The following MTPAP variants were observed in gnomAD, a reference collection of about 807,000 sequenced individuals.
MTPAP encodes mitochondrial poly(A) polymerase, also known as poly(A) RNA polymerase, mitochondrial.
Under a neutral mutation model 48.7 loss-of-function variants are expected in MTPAP, and 23 were observed. The ratio of observed to expected loss-of-function variants is 0.47; its 90% confidence interval spans 0.34 to 0.67. The LOEUF is 0.67. Ranked by LOEUF, MTPAP falls within the 30% of genes least tolerant of loss-of-function variation. MTPAP has a pLI of 0.01. For synonymous variants in MTPAP, 257 were observed against 254.1 expected, an observed-to-expected ratio of 1.01 and a Z score of -0.11; for missense variants, 614 against 694.3, an observed-to-expected ratio of 0.88 and a Z score of 1.30.
intron 4 of MTPAP, among the ~76,000 whole-genome samples, chr10:30,336,536 T>C (rs910522531): frequency 6.6e-6 from 1 of 152,162 alleles, no homozygotes; most frequent in Non-Finnish European, 1.5e-5. Flanking sequence ...AATAGGTAAC[T>C]TTGACTTAAC....
Position 30,335,024 on chromosome 10 carries a change from T to G in MTPAP, c.780+1779A>C, listed in dbSNP as rs115435624. 1.7e-3 allele frequency among the ~76,000 whole-genome samples: 256 copies of G among 152,296 alleles called. 1 individual carries two copies. Among genetic ancestry groups the G allele is most frequent in the African/African-American group, 5.9e-3 (244 of 41,570 alleles). On this transcript the variant is annotated intron_variant, in intron 4 of 8. Coordinates refer to ENST00000263063, the MANE Select transcript of MTPAP (RefSeq NM_018109.4). The stretch of plus-strand genomic sequence containing the variant: ...GCCACTAATTAACATGTGAAACATA[T>G]AGAACTTTTGTAAGAACTTAGAAAG...
intron 6 of MTPAP, 86 bp from the exon 7 acceptor site, chr10:30,316,296 G>A (rs1840661546): frequency 9.6e-7 from 1 of 1,037,288 alleles, no homozygotes; most frequent in East Asian, 2.6e-5. Flanking sequence ...AGGCTGGAGT[G>A]TAGCGGCATG....
intron 1 of MTPAP, among the ~76,000 whole-genome samples, chr10:30,348,548 T>C (rs1588724722): frequency 6.6e-6 from 1 of 152,148 alleles, no homozygotes; most frequent in Non-Finnish European, 1.5e-5. Context: ...CATATAAATG[T>C]AGAACGAACG....
At chr10:30,315,515 C>CAAAAA in intron 8 of MTPAP, among the ~76,000 whole-genome samples, 1 of 139,810 alleles carries the variant, frequency 7.2e-6, no homozygotes, top group South Asian at 2.2e-4. Flanking sequence ...AAAAAAAAAA[C>CAAAAA]AAAACAAAAC....
Position 30,340,442 on chromosome 10 carries a change from A to G in MTPAP, c.339T>C (p.Tyr113=). ...NHFFYESFGL[Y]AVVEFCQKES... is the part of the protein sequence containing the mutation. The stretch of plus-strand genomic sequence containing the variant: ...CCTTTTGGCAAAATTCTACGACAGC[A>G]TAGAGACCCTATACCAAAAACATAA... Residue 113 remains tyrosine, a synonymous_variant, in exon 3 of 9, where the codon TAT becomes TAC. Coordinates refer to ENST00000263063, the MANE Select transcript of MTPAP (RefSeq NM_018109.4). 1 of 1,613,376 alleles carries G rather than the reference A, an allele frequency of 6.2e-7. No homozygotes were observed. Among genetic ancestry groups the G allele is most frequent in the Non-Finnish European group, 8.5e-7 (1 of 1,179,264 alleles).
chr10:30,325,701 G>A (rs1165157705), intron 5 of MTPAP, among the ~76,000 whole-genome samples: 3 of 152,048 alleles, frequency 2.0e-5, no homozygotes, highest in Admixed American at 6.5e-5. Context: ...AGCCGAGATC[G>A]TGCAGTGTGC....
intron 4 of MTPAP, among the ~76,000 whole-genome samples, chr10:30,335,779 G>C (rs959931924): frequency 6.6e-6 from 1 of 152,120 alleles, no homozygotes; most frequent in African/African-American, 2.4e-5. Flanking sequence ...GGAGGCCGAG[G>C]GGTGTGGATC....
chr10:30,337,516 T>C (rs1351470211), intron 3 of MTPAP, among the ~76,000 whole-genome samples: 7 of 152,142 alleles, frequency 4.6e-5, no homozygotes, highest in Admixed American at 2.0e-4. Context: ...AGGCGGATCA[T>C]ATGAGGCAAG....
chr10:30,341,154 T>C (rs917461350), intron 2 of MTPAP, among the ~76,000 whole-genome samples: 3 of 151,258 alleles, frequency 2.0e-5, no homozygotes, highest in Non-Finnish European at 4.4e-5. Flanking sequence ...GAGGCTGTAG[T>C]GCAATATGAT....
At chr10:30,329,384 C>T (rs953711554) in intron 4 of MTPAP, among the ~76,000 whole-genome samples, 4 of 152,092 alleles carry the variant, frequency 2.6e-5, no homozygotes, top group African/African-American at 9.7e-5. Flanking sequence ...CACACCACCA[C>T]ACCTTGCTAA....
Position 30,312,178 on chromosome 10 carries a change from A to G in MTPAP, c.*1431T>C, listed in dbSNP as rs1840601119. ...AAGCAAAAAAGTTGCTCCACAGAGA[A>G]TGTAATGGAAATTAAATTTCAATAT... On this transcript the variant is annotated 3_prime_UTR_variant, in exon 9 of 9. Transcript: ENST00000263063. 6.6e-6 allele frequency: 1 copy of G among 152,236 alleles called. No individual in the cohort carries two copies. Among genetic ancestry groups the G allele is most frequent in the African/African-American group, 2.4e-5 (1 of 41,460 alleles). The allele number at this position is 152,236 out of a possible 1,614,324, so 9.4% of individuals were successfully genotyped here.
intron 6 of MTPAP, among the ~76,000 whole-genome samples, chr10:30,320,975 T>G (rs138357408): frequency 1.3e-5 from 2 of 152,312 alleles, no homozygotes; most frequent in Admixed American, 1.3e-4. Flanking sequence ...GGTAGTTTAG[T>G]GGTGAAGATC....
chr10:30,349,140 G>A lies in MTPAP; in HGVS notation c.136C>T (p.Pro46Ser). 1.2e-6 allele frequency: 2 copies of A among 1,613,798 alleles called. No individual in the cohort carries two copies. The highest frequency in any genetic ancestry group is 8.5e-7 in the Non-Finnish European group (1 of 1,179,844). ...TCACCTGTCTCCACGCTCCCTGAAG[G>A]CTGCTCGTCTCTCCTAAGGTCTTTG... ...VAKDLRRDEQ[P>S]SGSVETGFED... The change falls in exon 1 of 9, where the codon CCT becomes TCT. Residue 46 changes from proline to serine, a missense_variant. Coordinates refer to ENST00000263063, the MANE Select transcript of MTPAP (RefSeq NM_018109.4).
intron 6 of MTPAP, among the ~76,000 whole-genome samples, chr10:30,316,856 G>A (rs1840668642): frequency 6.6e-6 from 1 of 151,800 alleles, no homozygotes; most frequent in South Asian, 2.1e-4. Flanking sequence ...CATCACTGTT[G>A]CCTGGGCAAG....
intron 3 of MTPAP, among the ~76,000 whole-genome samples, chr10:30,339,212 C>A (rs1002718586): frequency 7.9e-5 from 12 of 151,398 alleles, no homozygotes; most frequent in African/African-American, 2.9e-4. Context: ...TTGGGCCGGG[C>A]GTAGTGGCTC....
chr10:30,326,731 A>C, intron 4 of MTPAP, 96 bp from the exon 5 acceptor site: 1 of 899,022 alleles, frequency 1.1e-6, no homozygotes. Context: ...CACTGCTGGA[A>C]AGCAAAACAA....
At chr10:30,348,795 T>C (rs969519330) in intron 1 of MTPAP, 6 of 365,624 alleles carry the variant, frequency 1.6e-5, no homozygotes, top group Admixed American at 8.2e-5. Flanking sequence ...GTGTGTAGCA[T>C]TACTATCATT....
chr10:30,332,843 C>T (rs572487835), intron 4 of MTPAP, among the ~76,000 whole-genome samples: 12 of 151,980 alleles, frequency 7.9e-5, no homozygotes, highest in East Asian at 1.9e-4. Context: ...TTAAAATGGC[C>T]GGGCGCAGTG....
chr10:30,326,367 A>G (rs924346252), intron 5 of MTPAP, 57 bp downstream of exon 5: 1 of 1,473,468 alleles, frequency 6.8e-7, no homozygotes, highest in Non-Finnish European at 9.4e-7. Context: ...TGTGAGAAAC[A>G]CTAAGCTAAT....
Sources: allele counts gnomAD v4.1 joint callset (sites outside exome capture counted in the v4.1 genomes callset), GRCh38; gene constraint gnomAD v4.1.1; transcripts MANE v1.5; gene names NCBI Gene and HGNC (gene_info 2026-07-23, HGNC 2026-07-21).